Variants in SACM1L observed in about 807,000 individuals in gnomAD.
The protein encoded by SACM1L is SAC1 like phosphatidylinositide phosphatase.
In SACM1L, 32 loss-of-function variants were observed where a neutral mutation model predicts 89.5. The ratio of observed to expected loss-of-function variants is 0.36; its 90% CI spans 0.27 to 0.48. The LOEUF (loss-of-function observed/expected upper bound fraction) is 0.48. Ranked by LOEUF, SACM1L falls within the 20% of genes least tolerant of loss-of-function variation. SACM1L has a pLI of 0.99. For synonymous variants in SACM1L, 213 were observed against 232.8 expected (o/e 0.92, Z 0.77); for missense variants, 543 against 708.5 (o/e 0.77, Z 2.65).
intron 2 of SACM1L, among the ~76,000 whole-genome samples, chr3:45,704,285 A>C (rs958786220): frequency 2.0e-5 from 3 of 152,214 alleles, no homozygotes; most frequent in African/African-American, 4.8e-5. Context: ...ACCATAGAGT[A>C]GGCATTCAGT....
intron 9 of SACM1L, 58 bp downstream of exon 9, chr3:45,722,143 A>G (rs2673062): frequency 0.63 from 605,031 of 963,238 alleles, 194,056 homozygotes; most frequent in Non-Finnish European, 0.66. Context: ...TTGGATTATA[A>G]TTTTCTGTCA....
intron 5 of SACM1L, among the ~76,000 whole-genome samples, chr3:45,711,421 G>A (rs116105303): frequency 0.018 from 2,713 of 152,182 alleles, 67 homozygotes; most frequent in African/African-American, 0.062. Flanking sequence ...GAGTCCATGA[G>A]TTCAGGACCA....
chr3:45,726,270 G>T (rs1698915107), intron 11 of SACM1L, among the ~76,000 whole-genome samples: 1 of 151,808 alleles, frequency 6.6e-6, no homozygotes, highest in Non-Finnish European at 1.5e-5. Context: ...GAAGACTGGT[G>T]TTAATTCTCT....
At chr3:45,739,085 T>C (rs1699263211) in intron 18 of SACM1L, among the ~76,000 whole-genome samples, 2 of 152,200 alleles carry the variant, frequency 1.3e-5, no homozygotes. Context: ...ATCCTTTTCA[T>C]GTGAAGTAAC....
chr3:45,740,652 A>T (rs985309738), intron 19 of SACM1L, among the ~76,000 whole-genome samples: 4 of 152,264 alleles, frequency 2.6e-5, no homozygotes, highest in African/African-American at 9.6e-5. Flanking sequence ...AATATTATTT[A>T]TCATCATACC....
At chr3:45,701,214 A>G (rs1424027321) in intron 1 of SACM1L, among the ~76,000 whole-genome samples, 1 of 152,120 alleles carries the variant, frequency 6.6e-6, no homozygotes, top group Admixed American at 6.5e-5. Flanking sequence ...CCAGCCTACC[A>G]AAGGATGATG....
intron 1 of SACM1L, among the ~76,000 whole-genome samples, chr3:45,695,591 A>G (rs192241589): frequency 2.0e-5 from 3 of 152,304 alleles, no homozygotes; most frequent in Admixed American, 6.5e-5. Context: ...TTGAGGGAAT[A>G]TGTTCTTGCT....
chr3:45,709,969 A>G (rs1176141222), intron 5 of SACM1L, among the ~76,000 whole-genome samples: 3 of 152,202 alleles, frequency 2.0e-5, no homozygotes, highest in African/African-American at 7.2e-5. Flanking sequence ...ACCAAGTGCT[A>G]ACTCTCAGAT....
At chr3:45,712,308 G>A (rs551910972) in intron 5 of SACM1L, among the ~76,000 whole-genome samples, 1 of 152,098 alleles carries the variant, frequency 6.6e-6, no homozygotes, top group African/African-American at 2.4e-5. Flanking sequence ...GCAGTGGCAC[G>A]ATCTTGGCTC....
intron 8 of SACM1L, 87 bp from the exon 9 acceptor site, chr3:45,721,913 C>A: frequency 1.2e-6 from 1 of 844,140 alleles, no homozygotes. Context: ...TGACTTAATT[C>A]TCTCCAAGTT....
At chr3:45,742,625 A>C (rs1699340309) in intron 19 of SACM1L, 1 of 152,234 alleles carries the variant, frequency 6.6e-6, no homozygotes, top group South Asian at 2.1e-4. Flanking sequence ...GACTTTGGAA[A>C]ATGCATATCA....
At chr3:45,717,310 G>A (rs551057189) in intron 7 of SACM1L, among the ~76,000 whole-genome samples, 103 of 152,286 alleles carry the variant, frequency 6.8e-4, no homozygotes, top group Middle Eastern at 6.8e-3. Flanking sequence ...ACAGTACCAC[G>A]TTAGAGCAAT....
At chr3:45,689,592 A>T in intron 1 of SACM1L, 95 bp downstream of exon 1, 1 of 1,396,416 alleles carries the variant, frequency 7.2e-7, no homozygotes, top group Non-Finnish European at 9.8e-7. Context: ...CGGATTGCAG[A>T]TAGGGTGTGG....
chr3:45,726,461 A>G (rs1698919351), intron 11 of SACM1L, among the ~76,000 whole-genome samples: 1 of 151,954 alleles, frequency 6.6e-6, no homozygotes, highest in South Asian at 2.1e-4. Flanking sequence ...TTATATGTCT[A>G]GGAATTTGCC....
chr3:45,714,126 A>C, intron 7 of SACM1L, 47 bp downstream of exon 7: 1 of 1,241,552 alleles, frequency 8.1e-7, no homozygotes. Context: ...GCCTTTATTT[A>C]AATTTTATTA....
At chr3:45,714,124 T>C in intron 7 of SACM1L, 45 bp downstream of exon 7, 1 of 1,226,732 alleles carries the variant, frequency 8.2e-7, no homozygotes, top group South Asian at 1.7e-5. Context: ...ATGCCTTTAT[T>C]TAAATTTTAT....
chr3:45,725,581 A>T (rs1208772723), intron 11 of SACM1L, among the ~76,000 whole-genome samples: 1 of 151,666 alleles, frequency 6.6e-6, no homozygotes, highest in African/African-American at 2.4e-5. Context: ...TGAATTTCTT[A>T]TCTCCAATTG....
At chr3:45,712,799 G>A (rs1223392293) in intron 5 of SACM1L, among the ~76,000 whole-genome samples, 1 of 117,430 alleles carries the variant, frequency 8.5e-6, no homozygotes. Flanking sequence ...CTGGAGGCAA[G>A]GGAAGGTGTG....
Position 45,743,796 on chromosome 3 carries a change from C to T in SACM1L, c.*127C>T, listed in dbSNP as rs112322431. ...CCTTTATCCAAAAGCACATCTTGTGCTCCATGCAGGATGATGACAGAATTG... is the reference window on the plus strand; with the variant it reads ...CCTTTATCCAAAAGCACATCTTGTGTTCCATGCAGGATGATGACAGAATTG... On this transcript the variant is annotated 3_prime_UTR_variant, in exon 20 of 20. Transcript: ENST00000389061. 7.1e-5 allele frequency: 67 copies of T among 941,016 alleles called. No individual in the cohort carries two copies. Among genetic ancestry groups the T allele is most frequent in the Middle Eastern group, 7.0e-4 (3 of 4,266 alleles). The allele number at this position is 941,016 out of a possible 1,614,324, so 58.3% of individuals were successfully genotyped here.
Sources: gnomAD v4.1 joint callset for allele counts (sites outside exome capture counted in the v4.1 genomes callset) on GRCh38, gnomAD v4.1.1 for gene constraint, MANE v1.5 for transcripts, NCBI Gene and HGNC (gene_info 2026-07-23, HGNC 2026-07-21) for gene names.